Variants in UBR3 observed in about 807,000 individuals in gnomAD.
UBR3 encodes the protein ubiquitin protein ligase E3 component n-recognin 3.
A neutral mutation model predicts 243.2 loss-of-function variants in UBR3; 85 were observed. The ratio of observed to expected loss-of-function variants is 0.35; its 90% CI spans 0.29 to 0.42. The LOEUF is 0.42. UBR3 is among the 10% of genes least tolerant of loss of function. The pLI is 1.00. For synonymous variants in UBR3, 748 were observed against 799.8 expected (o/e 0.94, Z 1.09); for missense variants, 1,686 against 2,300.8 (o/e 0.73, Z 5.47).
chr2:169,844,909 C>T (rs1005614466), intron 1 of UBR3, among the ~76,000 whole-genome samples: 2 of 152,028 alleles, frequency 1.3e-5, no homozygotes, highest in East Asian at 1.9e-4. Context: ...TTTCTTCCTT[C>T]GTTTTGTTTG....
At chr2:170,056,459 G>T (rs2091338787) in intron 33 of UBR3, among the ~76,000 whole-genome samples, 1 of 152,122 alleles carries the variant, frequency 6.6e-6, no homozygotes, top group Non-Finnish European at 1.5e-5. Context: ...ACTTTCAGTA[G>T]CTTGAGAACA....
chr2:169,896,395 C>T (rs2084594142), intron 7 of UBR3, 112 bp from the exon 8 acceptor site: 4 of 613,672 alleles, frequency 6.5e-6, no homozygotes, highest in Non-Finnish European at 1.0e-5. Flanking sequence ...TTATCTTGGG[C>T]ATTATTATAA....
intron 30 of UBR3, among the ~76,000 whole-genome samples, chr2:170,021,222 A>C (rs868305088): frequency 6.6e-6 from 1 of 152,098 alleles, no homozygotes; most frequent in African/African-American, 2.4e-5. Flanking sequence ...ATAATTGTCA[A>C]ATTGGGGGGT....
At chr2:169,857,958 T>C (rs73024458) in intron 1 of UBR3, among the ~76,000 whole-genome samples, 6,635 of 152,268 alleles carry the variant, frequency 0.044, 168 homozygotes, top group Middle Eastern at 0.068. Flanking sequence ...GTAGAATGAG[T>C]GTCCAGCTTT....
intron 23 of UBR3, among the ~76,000 whole-genome samples, chr2:169,954,467 T>A (rs1002852946): frequency 1.3e-5 from 2 of 151,752 alleles, no homozygotes; most frequent in Non-Finnish European, 2.9e-5. Context: ...GGTCTCAAAC[T>A]CCTGGGCTCA....
In UBR3 at chr2:169,899,274, C is replaced by T. The variant is rs574240023; in HGVS notation, c.1465+2539C>T. On this transcript the variant is annotated intron_variant, in intron 8 of 38. Transcript: ENST00000272793. ...GGATTACAGGCATGAGCCACCATGC[C>T]TGGCCTACTTCTTTGCTTTTTAAAG... Among the ~76,000 whole-genome samples the T allele has an allele frequency of 9.8e-5, 15 of 152,348 alleles. No homozygotes were observed. In the South Asian group the frequency reaches 2.9e-3, roughly 29 times the overall value.
At chr2:170,061,028 A>G in intron 33 of UBR3, 51 bp from the exon 34 acceptor site, 1 of 1,226,238 alleles carries the variant, frequency 8.2e-7, no homozygotes, top group South Asian at 1.8e-5. Context: ...TCCAATGTAA[A>G]TTTTTTATAA....
At chr2:169,923,601 C>T (rs2085791295) in intron 11 of UBR3, among the ~76,000 whole-genome samples, 1 of 152,144 alleles carries the variant, frequency 6.6e-6, no homozygotes. Flanking sequence ...TCTACTGTAG[C>T]TGGAAATCCA....
intron 24 of UBR3, among the ~76,000 whole-genome samples, chr2:169,964,130 A>T (rs1171430880): frequency 1.3e-5 from 2 of 150,584 alleles, no homozygotes; most frequent in African/African-American, 2.5e-5. Context: ...TCTTAAATTT[A>T]AAAAAAATGT....
chr2:169,981,745 T>A (rs1231941653), intron 24 of UBR3, among the ~76,000 whole-genome samples: 1 of 151,926 alleles, frequency 6.6e-6, no homozygotes, highest in Non-Finnish European at 1.5e-5. Context: ...AATGTAAAGT[T>A]TAAGATGAAA....
At chr2:169,979,278 G>C (rs1490579154) in intron 24 of UBR3, among the ~76,000 whole-genome samples, 1 of 152,162 alleles carries the variant, frequency 6.6e-6, no homozygotes, top group Non-Finnish European at 1.5e-5. Flanking sequence ...CAGAGCAGTG[G>C]GAACTCTAAT....
At chr2:170,008,218 T>C (rs1346939088) in intron 28 of UBR3, among the ~76,000 whole-genome samples, 1 of 152,166 alleles carries the variant, frequency 6.6e-6, no homozygotes, top group Admixed American at 6.5e-5. Context: ...TGTGATATGG[T>C]CTCTGAGAGA....
intron 32 of UBR3, among the ~76,000 whole-genome samples, chr2:170,046,936 G>A (rs1290317211): frequency 6.6e-6 from 1 of 152,048 alleles, no homozygotes; most frequent in Non-Finnish European, 1.5e-5. Flanking sequence ...CTTCAGGTTG[G>A]CTTGTATCCT....
Position 169,994,455 on chromosome 2 carries a change from A to C in UBR3, c.3917A>C (p.Asp1306Ala). The C allele has an allele frequency of 2.5e-6, 4 of 1,613,402 alleles. No individual in the cohort carries two copies. Among genetic ancestry groups the C allele is most frequent in the Non-Finnish European group, 3.4e-6 (4 of 1,179,470 alleles). Residue 1306 changes from aspartate to alanine, a missense_variant and splice_region_variant, in exon 26 of 39, where the codon GAT becomes GCT. Physicochemically the swap from Asp to Ala is moderately radical, Grantham distance 126. Around this residue, in one of 8 missense-constraint regions of UBR3, gnomAD observed 156 missense variants for 246.3 expected, o/e 0.63. Transcript: ENST00000272793. ...RLSLLQRYFK[D>A]SSCLLAVSIG... Reference sequence around the variant, plus strand: ...TCATTATTACAGCGTTATTTTAAGGATGTAAGTACTCTTTATAAAATAGTA... The same window carrying C: ...TCATTATTACAGCGTTATTTTAAGGCTGTAAGTACTCTTTATAAAATAGTA...
At chr2:169,951,372 C>T (rs1170734387) in intron 23 of UBR3, among the ~76,000 whole-genome samples, 2 of 152,138 alleles carry the variant, frequency 1.3e-5, no homozygotes, top group Admixed American at 1.3e-4. Flanking sequence ...ATGGATCTTA[C>T]TTGATTGATC....
In UBR3 at chr2:169,896,696, T is replaced by C. The variant is rs1207256330; in HGVS notation, c.1426T>C (p.Tyr476His). ...GGATATTATGGTCACTGTGCTATTA[T>C]ACATGATGGAAAGTTGCCTTATTAA... ...LLDIMVTVLL[Y>H]MMESCLIKSE... The change falls in exon 8 of 39, where the codon TAC (tyrosine) becomes CAC (histidine). Residue 476 changes from tyrosine (Y) to histidine (H), a missense_variant. Tyr to His is a moderately conservative substitution (Grantham distance 83). This residue lies in a region of UBR3 where 346 missense variants were observed against 585.8 expected (regional missense o/e 0.59). Coordinates refer to ENST00000272793, the MANE Select transcript of UBR3 (RefSeq NM_172070.4). The C allele has an allele frequency of 6.5e-7, 1 of 1,550,090 alleles. No individual in the cohort carries two copies. Among genetic ancestry groups the C allele is most frequent in the South Asian group, 1.2e-5 (1 of 83,736 alleles).
intron 35 of UBR3, among the ~76,000 whole-genome samples, chr2:170,065,931 C>A (rs2091557685): frequency 6.6e-6 from 1 of 150,954 alleles, no homozygotes. Flanking sequence ...AGTGCCCTAC[C>A]CCACCCCCCG....
At chr2:169,952,173 T>A (rs1299149583) in intron 23 of UBR3, among the ~76,000 whole-genome samples, 1 of 151,902 alleles carries the variant, frequency 6.6e-6, no homozygotes, top group Admixed American at 6.6e-5. Context: ...GGAAAAACAT[T>A]AAAGGGAATG....
At chr2:169,983,707 G>T (rs1348267730) in intron 24 of UBR3, among the ~76,000 whole-genome samples, 1 of 152,104 alleles carries the variant, frequency 6.6e-6, no homozygotes, top group East Asian at 1.9e-4. Context: ...GCCATCTTGC[G>T]GTCATTTGGC....
Sources: gnomAD v4.1 joint callset for allele counts (sites outside exome capture counted in the v4.1 genomes callset) on GRCh38, gnomAD v4.1.1 for gene constraint, gnomAD v4.1.1 regional missense constraint, MANE v1.5 for transcripts, NCBI Gene and HGNC (gene_info 2026-07-23, HGNC 2026-07-21) for gene names.